Variants in CNTNAP5 observed in about 807,000 individuals in gnomAD.
The protein encoded by CNTNAP5 is contactin-associated protein-like 5.
CNTNAP5 carries 72 observed loss-of-function variants against 150.2 expected under a neutral mutation model. The observed-to-expected ratio is 0.48, with a 90% CI of 0.40 to 0.58. The LOEUF is 0.58. Among genes scored for constraint, CNTNAP5 ranks in the 20% least tolerant of loss-of-function variants. The pLI, the probability that CNTNAP5 is intolerant of heterozygous loss-of-function variation, is 0.00. For missense variants in CNTNAP5, 1,636 were observed against 1,626.2 expected (o/e 1.01, Z -0.10); for synonymous variants, 672 against 619.8 (o/e 1.08, Z -1.25).
chr2:124,410,085 T>G (rs1691708009), intron 3 of CNTNAP5, among the ~76,000 whole-genome samples: 1 of 152,064 alleles, frequency 6.6e-6, no homozygotes, highest in Non-Finnish European at 1.5e-5. Flanking sequence ...GCCATCCTAG[T>G]CTCTGATAAA....
intron 13 of CNTNAP5, among the ~76,000 whole-genome samples, chr2:124,660,041 A>AG (rs1437404674): frequency 0.2 from 14,376 of 70,258 alleles, 1,076 homozygotes; most frequent in African/African-American, 0.32. Flanking sequence ...GAAGGAAGGA[A>AG]GAAAGGAAGG....
At chr2:124,853,455 G>C (rs115573137) in intron 19 of CNTNAP5, among the ~76,000 whole-genome samples, 1 of 152,084 alleles carries the variant, frequency 6.6e-6, no homozygotes, top group Non-Finnish European at 1.5e-5. Flanking sequence ...TGATGAGGTT[G>C]GTTGTGCAAA....
At chr2:124,803,066 G>A (rs1293955606) in intron 19 of CNTNAP5, among the ~76,000 whole-genome samples, 15 of 148,304 alleles carry the variant, frequency 1.0e-4, no homozygotes, top group African/African-American at 3.3e-4. Context: ...AGTGAGCCGA[G>A]ATCACGCCAC....
intron 1 of CNTNAP5, among the ~76,000 whole-genome samples, chr2:124,164,302 G>A (rs1461743676): frequency 6.6e-6 from 1 of 152,156 alleles, no homozygotes; most frequent in Non-Finnish European, 1.5e-5. Flanking sequence ...TGCAGTGACT[G>A]GCTATCTCCT....
intron 11 of CNTNAP5, among the ~76,000 whole-genome samples, chr2:124,573,350 C>T (rs2104941672): frequency 6.6e-6 from 1 of 152,226 alleles, no homozygotes. Context: ...TTCTTCTTTC[C>T]TTCCTCTTTA....
At chr2:124,433,504 A>C (rs1368925555) in intron 4 of CNTNAP5, among the ~76,000 whole-genome samples, 1 of 152,150 alleles carries the variant, frequency 6.6e-6, no homozygotes, top group Non-Finnish European at 1.5e-5. Context: ...TTTTAATTAC[A>C]TGCTGAATAA....
intron 19 of CNTNAP5, among the ~76,000 whole-genome samples, chr2:124,799,381 TG>T (rs1681917417): frequency 1.3e-5 from 2 of 152,248 alleles, no homozygotes; most frequent in East Asian, 3.9e-4. Flanking sequence ...GATATAGTCA[TG>T]GCAGGAACAC....
At chr2:124,429,932 C>T (rs1692332010) in intron 4 of CNTNAP5, among the ~76,000 whole-genome samples, 1 of 152,180 alleles carries the variant, frequency 6.6e-6, no homozygotes, top group Non-Finnish European at 1.5e-5. Flanking sequence ...TTCTGGATGG[C>T]ATACCCTTCC....
intron 11 of CNTNAP5, among the ~76,000 whole-genome samples, chr2:124,578,306 G>T (rs906725921): frequency 1.3e-5 from 2 of 150,398 alleles, no homozygotes; most frequent in African/African-American, 2.5e-5. Flanking sequence ...CTCCAGTCTG[G>T]GGGACAAGAG....
intron 1 of CNTNAP5, among the ~76,000 whole-genome samples, chr2:124,186,182 T>C (rs1685328877): frequency 6.6e-6 from 1 of 152,190 alleles, no homozygotes; most frequent in Non-Finnish European, 1.5e-5. Context: ...GAACCACACA[T>C]TGAGATCCAT....
At chr2:124,171,994 A>G (rs1460411740) in intron 1 of CNTNAP5, among the ~76,000 whole-genome samples, 3 of 152,216 alleles carry the variant, frequency 2.0e-5, no homozygotes, top group South Asian at 4.1e-4. Flanking sequence ...TAAGGCTTTA[A>G]CATTTCTATT....
intron 19 of CNTNAP5, among the ~76,000 whole-genome samples, chr2:124,813,948 C>T (rs889602909): frequency 6.6e-6 from 1 of 151,866 alleles, no homozygotes; most frequent in Non-Finnish European, 1.5e-5. Context: ...CTTCTCCCAA[C>T]CTCTAGGCCT....
At chr2:124,783,598 T>C (rs1015996856) in intron 17 of CNTNAP5, among the ~76,000 whole-genome samples, 3 of 152,094 alleles carry the variant, frequency 2.0e-5, no homozygotes, top group African/African-American at 7.2e-5. Context: ...ACCAAACAAA[T>C]AAGGAAATTA....
chr2:124,687,049 G>A (rs147647728), intron 13 of CNTNAP5, among the ~76,000 whole-genome samples: 89 of 152,174 alleles, frequency 5.8e-4, no homozygotes, highest in African/African-American at 2.0e-3. Flanking sequence ...CACAAGTTGA[G>A]TTGATAGGAG....
intron 11 of CNTNAP5, among the ~76,000 whole-genome samples, chr2:124,591,347 A>T (rs1376073653): frequency 6.6e-6 from 1 of 152,170 alleles, no homozygotes; most frequent in African/African-American, 2.4e-5. Flanking sequence ...TATACAGTGG[A>T]TGGTAATCTC....
intron 11 of CNTNAP5, among the ~76,000 whole-genome samples, chr2:124,605,823 AAAAAAAAAAAG>A (rs1176212791): frequency 4.0e-5 from 6 of 148,910 alleles, no homozygotes; most frequent in African/African-American, 1.5e-4. Context: ...AAAAAAAAAA[AAAAAAAAAAAG>A]AAGGAAAGAA....
At chr2:124,470,381 G>T (rs12472796) in intron 6 of CNTNAP5, among the ~76,000 whole-genome samples, 71,430 of 151,796 alleles carry the variant, frequency 0.47, 16,925 homozygotes, top group Middle Eastern at 0.59. Flanking sequence ...TTTGAGAACT[G>T]CCTGTTCATG....
chr2:124,200,587 A>G (rs1018711823), intron 1 of CNTNAP5, among the ~76,000 whole-genome samples: 9 of 152,236 alleles, frequency 5.9e-5, no homozygotes, highest in African/African-American at 2.2e-4. Flanking sequence ...AATGCACAAT[A>G]CAGTATTCAC....
chr2:124,516,614 G>T (rs1341605806), intron 8 of CNTNAP5, among the ~76,000 whole-genome samples: 1 of 152,208 alleles, frequency 6.6e-6, no homozygotes, highest in African/African-American at 2.4e-5. Flanking sequence ...AGTCTTTAGG[G>T]ACTATGATCT....
Sources: allele counts gnomAD v4.1 joint callset (sites outside exome capture counted in the v4.1 genomes callset), GRCh38; gene constraint gnomAD v4.1.1; transcripts MANE v1.5; gene names NCBI Gene and HGNC (gene_info 2026-07-23, HGNC 2026-07-21).